Variants in PTPRT observed in about 807,000 individuals in gnomAD.
PTPRT encodes receptor-type tyrosine-protein phosphatase T.
Under a neutral mutation model 176.8 loss-of-function variants are expected in PTPRT, and 56 were observed. That is an observed-to-expected ratio of 0.32 (90% CI 0.26 to 0.40). The LOEUF (loss-of-function observed/expected upper bound fraction) is 0.40. Ranked by LOEUF, PTPRT falls within the 10% of genes least tolerant of loss-of-function variation. PTPRT has a pLI of 1.00. For synonymous variants in PTPRT, 783 were observed against 739.0 expected, an observed-to-expected ratio of 1.06 and a Z score of -0.96; for missense variants, 1,540 against 1,908.2, an observed-to-expected ratio of 0.81 and a Z score of 3.60.
intron 2 of PTPRT, among the ~76,000 whole-genome samples, chr20:42,798,881 AGGC>A (rs1374134107): frequency 2.6e-5 from 4 of 152,014 alleles, no homozygotes; most frequent in Non-Finnish European, 1.5e-5. Context: ...TTGGATTTGA[AGGC>A]GCACTGGTGG....
chr20:42,855,545 C>G (rs1224730098), intron 2 of PTPRT, among the ~76,000 whole-genome samples: 1 of 149,470 alleles, frequency 6.7e-6, no homozygotes, highest in East Asian at 2.0e-4. Flanking sequence ...GATTCTCATG[C>G]CTCAGCCTCC....
chr20:42,334,075 T>A (rs1357569999), intron 11 of PTPRT, among the ~76,000 whole-genome samples: 1 of 152,158 alleles, frequency 6.6e-6, no homozygotes, highest in Non-Finnish European at 1.5e-5. Flanking sequence ...TTTAAGAGTG[T>A]AAAGGGGTCT....
intron 16 of PTPRT, among the ~76,000 whole-genome samples, chr20:42,180,973 CAT>C (rs1990495062): frequency 6.6e-6 from 1 of 152,196 alleles, no homozygotes; most frequent in African/African-American, 2.4e-5. Flanking sequence ...TCAATCTCCA[CAT>C]GTGTGAAAGA....
chr20:42,331,368 A>G (rs2057961732), intron 11 of PTPRT, among the ~76,000 whole-genome samples: 1 of 152,108 alleles, frequency 6.6e-6, no homozygotes, highest in Admixed American at 6.5e-5. Context: ...CCCTTGCAAC[A>G]AAGACATTTG....
At chr20:42,149,591 T>A (rs1989032337) in intron 17 of PTPRT, among the ~76,000 whole-genome samples, 2 of 151,900 alleles carry the variant, frequency 1.3e-5, no homozygotes. Context: ...ACCCGGCTAA[T>A]TTTTGTATTT....
At chr20:42,450,738 G>A (rs1373668603) in intron 8 of PTPRT, among the ~76,000 whole-genome samples, 1 of 152,046 alleles carries the variant, frequency 6.6e-6, no homozygotes, top group African/African-American at 2.4e-5. Context: ...TATTTATTAT[G>A]TATTTAATAT....
At chr20:42,835,324 G>C (rs1024863225) in intron 2 of PTPRT, among the ~76,000 whole-genome samples, 1 of 152,148 alleles carries the variant, frequency 6.6e-6, no homozygotes, top group Admixed American at 6.6e-5. Context: ...CTATGACTGG[G>C]GAAATGAGGA....
At chr20:42,397,363 G>A (rs1251449527) in intron 9 of PTPRT, among the ~76,000 whole-genome samples, 1 of 152,166 alleles carries the variant, frequency 6.6e-6, no homozygotes, top group African/African-American at 2.4e-5. Flanking sequence ...GGTATACTGC[G>A]TGATGCTGAG....
chr20:42,209,729 C>A (rs991485390), intron 15 of PTPRT, among the ~76,000 whole-genome samples: 1 of 152,298 alleles, frequency 6.6e-6, no homozygotes, highest in Admixed American at 6.5e-5. Context: ...CAAGGAGGAA[C>A]TGGTACCATT....
At chr20:43,147,400 T>C (rs75497228) in intron 1 of PTPRT, among the ~76,000 whole-genome samples, 1 of 152,172 alleles carries the variant, frequency 6.6e-6, no homozygotes, top group African/African-American at 2.4e-5. Context: ...ACCATCATCA[T>C]CATCATCCTA....
At chr20:43,185,829 G>A (rs2015375955) in intron 1 of PTPRT, among the ~76,000 whole-genome samples, 1 of 152,238 alleles carries the variant, frequency 6.6e-6, no homozygotes, top group East Asian at 1.9e-4. Context: ...CTACTTGGGA[G>A]GCGGAGGCAG....
At chr20:42,223,846 G>C (rs1284137945) in intron 15 of PTPRT, among the ~76,000 whole-genome samples, 1 of 152,134 alleles carries the variant, frequency 6.6e-6, no homozygotes, top group Non-Finnish European at 1.5e-5. Context: ...TTCTGAAAAA[G>C]TCCATTGTTG....
intron 6 of PTPRT, among the ~76,000 whole-genome samples, chr20:42,728,843 T>C (rs1188359069): frequency 6.6e-6 from 1 of 152,188 alleles, no homozygotes; most frequent in Non-Finnish European, 1.5e-5. Context: ...GGGGAAATCA[T>C]CTCATTTAAC....
intron 2 of PTPRT, among the ~76,000 whole-genome samples, chr20:42,856,007 G>A (rs1215124199): frequency 4.6e-5 from 7 of 152,138 alleles, no homozygotes; most frequent in African/African-American, 7.2e-5. Flanking sequence ...AAAAACAAAC[G>A]ACAAAAGTCC....
chr20:42,240,351 T>G (rs916070699), intron 14 of PTPRT, among the ~76,000 whole-genome samples: 1 of 151,908 alleles, frequency 6.6e-6, no homozygotes, highest in Non-Finnish European at 1.5e-5. Context: ...TTGAAGAAGA[T>G]TTACTGAAGG....
intron 2 of PTPRT, among the ~76,000 whole-genome samples, chr20:42,859,443 G>A (rs1301075818): frequency 1.3e-5 from 2 of 151,978 alleles, no homozygotes; most frequent in Non-Finnish European, 2.9e-5. Flanking sequence ...GGTTGCCAGA[G>A]GTCTCACCAA....
the PTPRT span, among the ~76,000 whole-genome samples, chr20:42,044,746 C>T: frequency 2.0e-5 from 3 of 152,228 alleles, no homozygotes; most frequent in African/African-American, 7.2e-5. Context: ...CCCACTGCTG[C>T]TGTGATAAGC....
chr20:42,645,762 T>TTGTGTGTGTGTGTG (rs1324109060), intron 7 of PTPRT, among the ~76,000 whole-genome samples: 40 of 127,926 alleles, frequency 3.1e-4, no homozygotes, highest in African/African-American at 1.3e-3. Context: ...GGATGTGTAT[T>TTGTGTGTGTGTGTG]TATGTGTGTG....
At chr20:42,769,368 A>T (rs557320494) in intron 5 of PTPRT, among the ~76,000 whole-genome samples, 1 of 152,298 alleles carries the variant, frequency 6.6e-6, no homozygotes, top group African/African-American at 2.4e-5. Flanking sequence ...AACACATGAA[A>T]ATATGTTCAG....
Sources: allele counts gnomAD v4.1 joint callset (sites outside exome capture counted in the v4.1 genomes callset), GRCh38; gene constraint gnomAD v4.1.1; transcripts MANE v1.5; gene names NCBI Gene and HGNC (gene_info 2026-07-23, HGNC 2026-07-21).